KCTD3: variants seen among roughly 807,000 people sequenced by gnomAD.
The protein encoded by KCTD3 is BTB/POZ domain-containing protein KCTD3.
A neutral mutation model predicts 85.8 loss-of-function variants in KCTD3; 41 were observed. That is an observed-to-expected ratio of 0.48 (90% CI 0.37 to 0.62). The LOEUF (loss-of-function observed/expected upper bound fraction) is 0.62, where lower values mean the gene tolerates loss of function less well. KCTD3 is among the 20% of genes least tolerant of loss of function. KCTD3 has a pLI of 0.00. For synonymous variants in KCTD3, 338 were observed against 345.4 expected, an observed-to-expected ratio of 0.98 and a Z score of 0.24; for missense variants, 724 against 989.9, an observed-to-expected ratio of 0.73 and a Z score of 3.60.
rs1467183290 is a variant in KCTD3 at position 215,584,684 on chromosome 1, C to CTTTTA, written c.627-1810_627-1809insTTTAT. ...AGTTTTTCCCAGGGGCTTTTATCAGCTCTATGAGTCAAATTTGATTCCTTA... is the reference window on the plus strand; with the variant it reads ...AGTTTTTCCCAGGGGCTTTTATCAGCTTTTATCTATGAGTCAAATTTGATTCCTTA... On this transcript the variant is annotated intron_variant, in intron 8 of 17. Transcript: ENST00000259154. Among the ~76,000 whole-genome samples the CTTTTA allele has an allele frequency of 7.9e-5, 12 of 152,234 alleles. No individual in the cohort carries two copies. In the East Asian group the frequency reaches 2.1e-3, roughly 27 times the overall value.
At position 215,578,988 on chromosome 1, in the gene KCTD3, T is replaced by C. The variant is rs1313833781; in HGVS notation, c.398-12T>C. The C allele has an allele frequency of 2.0e-6, 3 of 1,513,856 alleles. No individual in the cohort carries two copies. Among genetic ancestry groups the C allele is most frequent in the East Asian group, 5.1e-5 (2 of 39,390 alleles). 93.8% of individuals were successfully genotyped at this position (1,513,856 alleles called of 1,614,324 possible). On this transcript the variant is annotated splice_polypyrimidine_tract_variant and intron_variant, in intron 6 of 17. Transcript: ENST00000259154. ...ACTTAGGAATGTATTTGTTTTCTTC[T>C]TCTCTTTATAGGTATTCCTAGTCGT...
chr1:215,581,981 A>G (rs1659842469), intron 8 of KCTD3, among the ~76,000 whole-genome samples: 1 of 152,200 alleles, frequency 6.6e-6, no homozygotes, highest in Non-Finnish European at 1.5e-5. Flanking sequence ...CTAATTTTCT[A>G]CATGGTTAGG....
intron 13 of KCTD3, among the ~76,000 whole-genome samples, chr1:215,607,144 C>A (rs1655056180): frequency 6.6e-6 from 1 of 151,796 alleles, no homozygotes; most frequent in Non-Finnish European, 1.5e-5. Flanking sequence ...GAATATGTAA[C>A]ACATTTTTAC....
chr1:215,616,026 A>G (rs1034694679), intron 15 of KCTD3, among the ~76,000 whole-genome samples: 3 of 152,178 alleles, frequency 2.0e-5, no homozygotes, highest in Non-Finnish European at 4.4e-5. Flanking sequence ...TCACAGAAAG[A>G]TAGGGACATG....
chr1:215,597,059 T>G (rs1327118175), intron 10 of KCTD3, among the ~76,000 whole-genome samples: 1 of 152,150 alleles, frequency 6.6e-6, no homozygotes, highest in Non-Finnish European at 1.5e-5. Flanking sequence ...AGACCTGGGA[T>G]CCCATGTAGT....
rs528461954 is a variant in KCTD3 at position 215,576,414 on chromosome 1, C to A, written c.257+440C>A. ...TACTAAGACTTTGATTAAAAGTTTCCTCACACTGAAACTGGATGTGGTGGT... is the reference window on the plus strand; with the variant it reads ...TACTAAGACTTTGATTAAAAGTTTCATCACACTGAAACTGGATGTGGTGGT... On this transcript the variant is annotated intron_variant, in intron 4 of 17. Coordinates refer to ENST00000259154, the MANE Select transcript of KCTD3 (RefSeq NM_016121.5). Among the ~76,000 whole-genome samples the A allele has an allele frequency of 1.7e-3, 265 of 151,432 alleles. 3 individuals are homozygous for A. Among genetic ancestry groups the A allele is most frequent in the African/African-American group, 6.1e-3 (250 of 41,286 alleles).
intron 4 of KCTD3, among the ~76,000 whole-genome samples, chr1:215,577,084 A>G (rs182619452): frequency 2.7e-3 from 414 of 151,708 alleles, no homozygotes; most frequent in Non-Finnish European, 5.1e-3. Flanking sequence ...CTTTACTACT[A>G]TGAAGTAGCA....
chr1:215,594,702 G>A (rs765304641), intron 9 of KCTD3, among the ~76,000 whole-genome samples: 22 of 151,942 alleles, frequency 1.4e-4, no homozygotes, highest in Non-Finnish European at 2.2e-4. Context: ...TTGTCTTCTC[G>A]TGTTTTTTAA....
intron 17 of KCTD3, 41 bp from the exon 18 acceptor site, chr1:215,620,014 CAG>C: frequency 7.0e-7 from 1 of 1,425,132 alleles, no homozygotes. Flanking sequence ...TGAGAAATCA[CAG>C]AGTGAAATCT....
At chr1:215,582,283 A>C (rs1659851752) in intron 8 of KCTD3, among the ~76,000 whole-genome samples, 1 of 152,108 alleles carries the variant, frequency 6.6e-6, no homozygotes, top group Non-Finnish European at 1.5e-5. Flanking sequence ...TCTGTTTTTC[A>C]GTTCTCTCAT....
intron 8 of KCTD3, among the ~76,000 whole-genome samples, chr1:215,583,094 T>A (rs1337852915): frequency 6.6e-6 from 1 of 152,126 alleles, no homozygotes; most frequent in Non-Finnish European, 1.5e-5. Flanking sequence ...AGAAGTAATA[T>A]GTCTGTAAAA....
chr1:215,603,528 A>G lies in KCTD3; in HGVS notation c.1139-604A>G, dbSNP rs561058135. 4.4e-3 allele frequency among the ~76,000 whole-genome samples: 664 copies of G among 152,310 alleles called. 6 individuals carry two copies. Among genetic ancestry groups the G allele is most frequent in the African/African-American group, 0.015 (627 of 41,574 alleles). ...AACATATTTTAAGTATGATGTAAGC[A>G]ATGTAATGGGTATGTTTATTCCCTA... On this transcript the variant is annotated intron_variant, in intron 12 of 17. Coordinates refer to ENST00000259154, the MANE Select transcript of KCTD3 (RefSeq NM_016121.5).
intron 15 of KCTD3, among the ~76,000 whole-genome samples, chr1:215,613,108 A>G (rs1430600683): frequency 1.3e-5 from 2 of 152,204 alleles, no homozygotes; most frequent in Non-Finnish European, 2.9e-5. Context: ...AGACCTGCAC[A>G]TCCCGCACAT....
intron 9 of KCTD3, 110 bp from the exon 10 acceptor site, chr1:215,595,246 G>A (rs1209601748): frequency 1.5e-6 from 1 of 681,318 alleles, no homozygotes; most frequent in Non-Finnish European, 2.6e-6. Flanking sequence ...CACATAGTTT[G>A]TAGTAATGAG....
At chr1:215,620,018 G>A in intron 17 of KCTD3, 39 bp from the exon 18 acceptor site, 1 of 1,460,708 alleles carries the variant, frequency 6.8e-7, no homozygotes, top group Middle Eastern at 1.8e-4. Context: ...AAATCACAGA[G>A]TGAAATCTGA....
At chr1:215,614,086 G>T (rs527488937) in intron 15 of KCTD3, among the ~76,000 whole-genome samples, 1 of 137,778 alleles carries the variant, frequency 7.3e-6, no homozygotes, top group Non-Finnish European at 1.5e-5. Context: ...AGGCTGGAGT[G>T]CAGTGGTGTA....
At chr1:215,579,247 G>T in intron 7 of KCTD3, 110 bp downstream of exon 7, 1 of 770,794 alleles carries the variant, frequency 1.3e-6, no homozygotes, top group East Asian at 3.0e-5. Context: ...TTTTTATCCA[G>T]ATTTATCATT....
At chr1:215,590,062 G>A (rs1660153856) in intron 9 of KCTD3, among the ~76,000 whole-genome samples, 2 of 152,234 alleles carry the variant, frequency 1.3e-5, no homozygotes, top group South Asian at 4.1e-4. Flanking sequence ...GTGTGTGAGA[G>A]TCCCAGGTTC....
intron 14 of KCTD3, among the ~76,000 whole-genome samples, chr1:215,609,027 T>C (rs896528073): frequency 1.3e-5 from 2 of 151,946 alleles, no homozygotes; most frequent in Non-Finnish European, 2.9e-5. Flanking sequence ...TAGTGAGCAG[T>C]GGGAATTAAA....
Sources: allele counts gnomAD v4.1 joint callset (sites outside exome capture counted in the v4.1 genomes callset), GRCh38; gene constraint gnomAD v4.1.1; transcripts MANE v1.5; gene names NCBI Gene and HGNC (gene_info 2026-07-23, HGNC 2026-07-21).